The following SLC25A12 variants were observed in gnomAD, a reference collection of about 807,000 sequenced individuals.
The protein encoded by SLC25A12 is solute carrier family 25 member 12.
In SLC25A12, 32 loss-of-function variants were observed where a neutral mutation model predicts 83.3. That is an observed-to-expected ratio of 0.38 (90% CI 0.29 to 0.52). SLC25A12 has a LOEUF of 0.52. SLC25A12 is among the 20% of genes least tolerant of loss of function. SLC25A12 has a pLI of 0.84. For synonymous variants in SLC25A12, 267 were observed against 291.1 expected, an observed-to-expected ratio of 0.92 and a Z score of 0.84; for missense variants, 611 against 835.6, an observed-to-expected ratio of 0.73 and a Z score of 3.31.
chr2:171,786,774 G>C (rs1373436557), intron 17 of SLC25A12, among the ~76,000 whole-genome samples: 1 of 152,094 alleles, frequency 6.6e-6, no homozygotes, highest in Non-Finnish European at 1.5e-5. Flanking sequence ...TTATATCCAT[G>C]GGCAAAATCT....
At chr2:171,839,471 TG>T (rs1161047838) in intron 5 of SLC25A12, among the ~76,000 whole-genome samples, 1 of 152,208 alleles carries the variant, frequency 6.6e-6, no homozygotes, top group Non-Finnish European at 1.5e-5. Context: ...AAAGATCCTA[TG>T]CCCTTGAAAA....
At position 171,787,561 on chromosome 2, in the gene SLC25A12, G is replaced by T. The variant is rs542542639; in HGVS notation, c.1835+10C>A. 2.5e-6 allele frequency: 4 copies of T among 1,604,056 alleles called. No homozygotes were observed. The South Asian group carries it at 4.4e-5, about 18-fold the overall frequency. On this transcript the variant is annotated intron_variant, in intron 17 of 17. Coordinates refer to ENST00000422440, the MANE Select transcript of SLC25A12 (RefSeq NM_003705.5). ...GATTTCTTTGTAAAGGAGTTGAGCA[G>T]CTGACTTACAGGCCTCCAAAATCAA...
At chr2:171,886,230 C>CTTTTTTTTTTTT (rs11428637) in intron 2 of SLC25A12, among the ~76,000 whole-genome samples, 1 of 122,562 alleles carries the variant, frequency 8.2e-6, no homozygotes, top group African/African-American at 3.1e-5. Context: ...AATATAATAG[C>CTTTTTTTTTTTT]TTTTTTTTTT....
intron 13 of SLC25A12, among the ~76,000 whole-genome samples, chr2:171,801,576 T>C (rs971780371): frequency 3.9e-5 from 6 of 152,190 alleles, no homozygotes; most frequent in Admixed American, 2.0e-4. Context: ...ATACAACTTA[T>C]GGTTTTTTGA....
At chr2:171,787,250 G>A (rs569578383) in intron 17 of SLC25A12, among the ~76,000 whole-genome samples, 26 of 152,176 alleles carry the variant, frequency 1.7e-4, no homozygotes, top group East Asian at 5.8e-4. Context: ...GCTTGAGCCC[G>A]GGAGGTTGAG....
rs908812656 is a variant in SLC25A12, at chr2:171,860,419, T to C, written c.210-4470A>G. On this transcript the variant is annotated intron_variant, in intron 3 of 17. Coordinates refer to ENST00000422440, the MANE Select transcript of SLC25A12 (RefSeq NM_003705.5). ...TTTGAGACCAGCCTGGCCAACATGG[T>C]GAAACCCCATCTCTACTAAAAATAC... Among the ~76,000 whole-genome samples the C allele has an allele frequency of 3.3e-5, 5 of 151,832 alleles. No homozygotes were observed. In the South Asian group the frequency reaches 1.0e-3, roughly 32 times the overall value.
chr2:171,838,292 T>G (rs1250785785), intron 5 of SLC25A12, among the ~76,000 whole-genome samples: 1 of 152,210 alleles, frequency 6.6e-6, no homozygotes, highest in African/African-American at 2.4e-5. Context: ...TTTTATTTAA[T>G]TATATTTTCC....
At position 171,868,754 on chromosome 2, in the gene SLC25A12, G is replaced by A; in HGVS notation, c.136C>T (p.Leu46=). 1 of 1,613,546 alleles carries A rather than the reference G, an allele frequency of 6.2e-7. No individual in the cohort carries two copies. Among genetic ancestry groups the A allele is most frequent in the African/African-American group, 1.3e-5 (1 of 75,008 alleles). The change falls in exon 3 of 18, where the codon CTG becomes TTG. Residue 46 remains leucine, a synonymous_variant. Transcript: ENST00000422440. The stretch of plus-strand genomic sequence containing the variant: ...GGGTTACTATTTGGATCATTATACA[G>A]TCCAAGATAGCGCTGAACAAAGTCT... ...PEDFVQRYLG[L]YNDPNSNPKI... is the part of the protein sequence containing the mutation.
At chr2:171,807,259 C>T (rs1472076039) in intron 13 of SLC25A12, among the ~76,000 whole-genome samples, 1 of 152,136 alleles carries the variant, frequency 6.6e-6, no homozygotes, top group African/African-American at 2.4e-5. Context: ...TTCATGCTGT[C>T]AATTTCCCAC....
At chr2:171,848,563 T>C (rs1020284898) in intron 4 of SLC25A12, among the ~76,000 whole-genome samples, 3 of 151,690 alleles carry the variant, frequency 2.0e-5, no homozygotes, top group Non-Finnish European at 4.4e-5. Context: ...AGTGAAGAGT[T>C]TTTCAGTGAA....
At chr2:171,805,080 A>AT (rs935126703) in intron 13 of SLC25A12, among the ~76,000 whole-genome samples, 2 of 149,550 alleles carry the variant, frequency 1.3e-5, no homozygotes, top group Non-Finnish European at 3.0e-5. Context: ...TAAAGCTGTT[A>AT]TTTTTTCTGT....
At chr2:171,861,429 A>G (rs1685157061) in intron 3 of SLC25A12, among the ~76,000 whole-genome samples, 1 of 152,134 alleles carries the variant, frequency 6.6e-6, no homozygotes. Flanking sequence ...ATTTTAAGAA[A>G]CAAGGTCTCA....
chr2:171,798,367 G>A (rs1338394892), intron 13 of SLC25A12, among the ~76,000 whole-genome samples: 2 of 152,164 alleles, frequency 1.3e-5, no homozygotes, highest in Non-Finnish European at 2.9e-5. Context: ...CAAAGAGGTT[G>A]GAGGCTGGGC....
chr2:171,840,706 T>C (rs1156492057), intron 5 of SLC25A12, among the ~76,000 whole-genome samples: 1 of 152,014 alleles, frequency 6.6e-6, no homozygotes, highest in African/African-American at 2.4e-5. Context: ...CATTTAATAG[T>C]CCTAGAAACT....
At chr2:171,875,026 C>G (rs137961672) in intron 2 of SLC25A12, among the ~76,000 whole-genome samples, 179 of 152,346 alleles carry the variant, frequency 1.2e-3, no homozygotes, top group Middle Eastern at 3.4e-3. Context: ...CAGACTCTTC[C>G]TTTGCATAGA....
chr2:171,841,281 T>C (rs1684667779), intron 5 of SLC25A12, among the ~76,000 whole-genome samples: 1 of 152,178 alleles, frequency 6.6e-6, no homozygotes, highest in African/African-American at 2.4e-5. Flanking sequence ...GGTTTCACCA[T>C]GTTGGCCAGG....
At chr2:171,787,127 C>T (rs528632114) in intron 17 of SLC25A12, among the ~76,000 whole-genome samples, 5 of 152,238 alleles carry the variant, frequency 3.3e-5, no homozygotes, top group African/African-American at 1.2e-4. Flanking sequence ...AGTTCGAGAC[C>T]AGCCTGGGCA....
intron 3 of SLC25A12, among the ~76,000 whole-genome samples, chr2:171,857,013 G>A (rs1325016492): frequency 6.6e-6 from 1 of 152,176 alleles, no homozygotes; most frequent in African/African-American, 2.4e-5. Flanking sequence ...ATTAAAAGTA[G>A]GTGATGAATT....
intron 2 of SLC25A12, among the ~76,000 whole-genome samples, chr2:171,882,308 T>C (rs918355755): frequency 3.9e-5 from 6 of 152,208 alleles, no homozygotes; most frequent in Non-Finnish European, 8.8e-5. Flanking sequence ...ACTGAACAGT[T>C]CCAGAGGTGA....
Sources: allele counts gnomAD v4.1 joint callset (sites outside exome capture counted in the v4.1 genomes callset), GRCh38; gene constraint gnomAD v4.1.1; transcripts MANE v1.5; gene names NCBI Gene and HGNC (gene_info 2026-07-23, HGNC 2026-07-21).